PTPN2: variants seen among roughly 807,000 people sequenced by gnomAD.
The protein encoded by PTPN2 is tyrosine-protein phosphatase non-receptor type 2.
Under a neutral mutation model 57.3 loss-of-function variants are expected in PTPN2, and 19 were observed. That is an observed-to-expected ratio of 0.33 (90% CI 0.23 to 0.49). The LOEUF (loss-of-function observed/expected upper bound fraction) is 0.49. PTPN2 is among the 20% of genes least tolerant of loss of function. The pLI is 0.99. For missense variants in PTPN2, 358 were observed against 501.1 expected (o/e 0.71, Z 2.73); for synonymous variants, 153 against 164.9 (o/e 0.93, Z 0.55).
intron 2 of PTPN2, among the ~76,000 whole-genome samples, chr18:12,853,969 A>G (rs575277161): frequency 6.6e-6 from 1 of 152,338 alleles, no homozygotes; most frequent in Non-Finnish European, 1.5e-5. Flanking sequence ...CAGAAGGGAA[A>G]CAAGGAGATG....
rs185355489 is a variant in PTPN2 at position 12,864,943 on chromosome 18, G to A, written c.70-5689C>T. Among the ~76,000 whole-genome samples the A allele has an allele frequency of 1.0e-3, 146 of 146,384 alleles. 1 individual carries two copies. The highest frequency in any genetic ancestry group is 3.5e-3 in the Middle Eastern group (1 of 288). The stretch of plus-strand genomic sequence containing the variant: ...TCTTCATTTCATAAGCAGTAACTGT[G>A]CCTAAATGGTACTGTTTAAATACAG... On this transcript the variant is annotated intron_variant, in intron 1 of 8. Coordinates refer to ENST00000309660, the MANE Select transcript of PTPN2 (RefSeq NM_002828.4).
chr18:12,840,938 A>ACTGGTCTGTT, intron 2 of PTPN2: 2 of 1,513,262 alleles, frequency 1.3e-6, no homozygotes, highest in South Asian at 2.5e-5. Context: ...TCCATGATGA[A>ACTGGTCTGTT]CTGGTCTGTT....
intron 3 of PTPN2, among the ~76,000 whole-genome samples, chr18:12,833,850 T>C (rs895625072): frequency 3.9e-5 from 6 of 152,192 alleles, no homozygotes; most frequent in African/African-American, 9.6e-5. Flanking sequence ...GGAAGGCAGC[T>C]ACCTTGGTAA....
At chr18:12,817,881 C>T (rs2145319877) in intron 5 of PTPN2, among the ~76,000 whole-genome samples, 1 of 152,296 alleles carries the variant, frequency 6.6e-6, no homozygotes, top group East Asian at 1.9e-4. Flanking sequence ...TGGCTCATGC[C>T]TGTAATCCCA....
At chr18:12,825,968 AT>A (rs753828976) in intron 4 of PTPN2, 24 bp from the exon 5 acceptor site, 529 of 1,541,544 alleles carry the variant, frequency 3.4e-4, no homozygotes, top group South Asian at 7.1e-4. Context: ...TATGTATATG[AT>A]TTTTTTTTAG....
intron 1 of PTPN2, among the ~76,000 whole-genome samples, chr18:12,870,876 A>T (rs1244673907): frequency 6.6e-6 from 1 of 152,078 alleles, no homozygotes; most frequent in Non-Finnish European, 1.5e-5. Flanking sequence ...GTATACATGG[A>T]TTACATGGAC....
intron 3 of PTPN2, among the ~76,000 whole-genome samples, chr18:12,836,081 C>T (rs2042854901): frequency 6.6e-6 from 1 of 152,168 alleles, no homozygotes; most frequent in Non-Finnish European, 1.5e-5. Context: ...TTTCAAAAAT[C>T]TCAAATATTA....
chr18:12,806,217 A>AT (rs1204502901), intron 7 of PTPN2, among the ~76,000 whole-genome samples: 1 of 152,168 alleles, frequency 6.6e-6, no homozygotes, highest in Non-Finnish European at 1.5e-5. Context: ...AAGCAATTCC[A>AT]TTTTCAAAAA....
At chr18:12,876,316 A>AGAAGAAGAAGAAGAAGAAGAAGAAG (rs1568177300) in intron 1 of PTPN2, among the ~76,000 whole-genome samples, 4 of 149,330 alleles carry the variant, frequency 2.7e-5, no homozygotes, top group African/African-American at 5.1e-5. Context: ...AAGAAGAAGA[A>AGAAGAAGAAGAAGAAGAAGAAGAAG]ATTTGTCAGG....
intron 2 of PTPN2, 70 bp downstream of exon 2, chr18:12,859,094 C>T (rs2043699255): frequency 8.3e-7 from 1 of 1,206,588 alleles, no homozygotes. Context: ...CCAAGCCCTC[C>T]TTTTCACTAC....
downstream of PTPN2, among the ~76,000 whole-genome samples, chr18:12,789,735 G>GA: frequency 6.6e-6 from 1 of 152,124 alleles, no homozygotes; most frequent in Non-Finnish European, 1.5e-5. Flanking sequence ...CCTGAACACA[G>GA]AAAGAAATGG....
chr18:12,808,670 A>G (rs2041781442), intron 7 of PTPN2, among the ~76,000 whole-genome samples: 1 of 152,098 alleles, frequency 6.6e-6, no homozygotes, highest in Non-Finnish European at 1.5e-5. Context: ...AGTCCCAGCT[A>G]CTCGGGAGGC....
intron 7 of PTPN2, among the ~76,000 whole-genome samples, chr18:12,807,956 G>C (rs2041745664): frequency 6.6e-6 from 1 of 152,054 alleles, no homozygotes; most frequent in Non-Finnish European, 1.5e-5. Context: ...GGCTAGGGCG[G>C]GCAGATCGCT....
chr18:12,865,692 T>C (rs912199714), intron 1 of PTPN2, among the ~76,000 whole-genome samples: 54 of 151,968 alleles, frequency 3.6e-4, no homozygotes, highest in African/African-American at 1.3e-3. Flanking sequence ...CTGGGCGTCA[T>C]GGCATGTGTC....
Position 12,830,462 on chromosome 18 carries a change from A to G in PTPN2, c.360+481T>C, listed in dbSNP as rs73404456. 7.1e-3 allele frequency among the ~76,000 whole-genome samples: 1,085 copies of G among 152,242 alleles called. 18 individuals are homozygous for G. The highest frequency in any genetic ancestry group is 0.025 in the African/African-American group (1,055 of 41,546). On this transcript the variant is annotated intron_variant, in intron 4 of 8. Transcript: ENST00000309660. ...CCTTAATTTTTAAATGATATTGAAGATCAGGAAAAACCCCTGTAAATGACT... is the reference window on the plus strand; with the variant it reads ...CCTTAATTTTTAAATGATATTGAAGGTCAGGAAAAACCCCTGTAAATGACT...
At chr18:12,835,373 C>T (rs1424120358) in intron 3 of PTPN2, among the ~76,000 whole-genome samples, 1 of 97,850 alleles carries the variant, frequency 1.0e-5, no homozygotes, top group Non-Finnish European at 1.9e-5. Flanking sequence ...TGAACATGAT[C>T]ACATATGTCT....
chr18:12,828,456 T>C (rs1209815485), intron 4 of PTPN2, among the ~76,000 whole-genome samples: 7 of 152,192 alleles, frequency 4.6e-5, no homozygotes, highest in Non-Finnish European at 1.0e-4. Context: ...CCATTTTCAG[T>C]AATTATTTTG....
chr18:12,873,899 C>T (rs373903174), intron 1 of PTPN2, among the ~76,000 whole-genome samples: 19,770 of 151,396 alleles, frequency 0.13, 2,473 homozygotes, highest in African/African-American at 0.34. Context: ...TTTGCCCCGC[C>T]GCCCCGTCTG....
intron 7 of PTPN2, among the ~76,000 whole-genome samples, chr18:12,811,170 T>C (rs1042301812): frequency 9.9e-5 from 15 of 152,190 alleles, no homozygotes; most frequent in Admixed American, 5.9e-4. Flanking sequence ...CCCAAGGATA[T>C]GCACCTAACA....
Sources: gnomAD v4.1 joint callset for allele counts (sites outside exome capture counted in the v4.1 genomes callset) on GRCh38, gnomAD v4.1.1 for gene constraint, MANE v1.5 for transcripts, NCBI Gene and HGNC (gene_info 2026-07-23, HGNC 2026-07-21) for gene names.